GIGYF2: variants seen among roughly 807,000 people sequenced by gnomAD.
GIGYF2 encodes GRB10-interacting GYF protein 2.
GIGYF2 carries 25 observed loss-of-function variants against 208.1 expected under a neutral mutation model. That is an observed-to-expected ratio of 0.12 (90% CI 0.09 to 0.17). The LOEUF (loss-of-function observed/expected upper bound fraction) is 0.17, where lower values mean the gene tolerates loss of function less well. Among genes scored for constraint, GIGYF2 ranks in the 10% least tolerant of loss-of-function variants. GIGYF2 has a pLI of 1.00. For missense variants in GIGYF2, 1,302 were observed against 1,579.4 expected, an observed-to-expected ratio of 0.82 and a Z score of 2.98; for synonymous variants, 534 against 543.8, an observed-to-expected ratio of 0.98 and a Z score of 0.25.
At chr2:232,730,273 A>T in intron 2 of GIGYF2, 1 of 712,804 alleles carries the variant, frequency 1.4e-6, no homozygotes, top group South Asian at 1.8e-5. Flanking sequence ...TGAAAGAGGA[A>T]AAAAATATTC....
chr2:232,730,408 C>G lies in GIGYF2; in HGVS notation c.-43-4747C>G, dbSNP rs985121963. On this transcript the variant is annotated intron_variant, in intron 2 of 28. Transcript: ENST00000373563. The stretch of plus-strand genomic sequence containing the variant: ...TCATTTAAGGTTGGGAGTTCGAGAC[C>G]AGCCTGGCCAACATGGTGAAACCCC... Among the ~76,000 whole-genome samples, 13 of 146,574 alleles carry G rather than the reference C, an allele frequency of 8.9e-5. No homozygotes were observed. The Admixed American group carries it at 9.0e-4, about 10-fold the overall frequency.
intron 2 of GIGYF2, among the ~76,000 whole-genome samples, chr2:232,723,921 A>G (rs901401742): frequency 6.7e-6 from 1 of 150,150 alleles, no homozygotes; most frequent in Non-Finnish European, 1.5e-5. Flanking sequence ...TATTTTCAGT[A>G]GAGACGGGGT....
chr2:232,795,173 C>G (rs951914180), intron 13 of GIGYF2, among the ~76,000 whole-genome samples: 1 of 152,090 alleles, frequency 6.6e-6, no homozygotes, highest in Non-Finnish European at 1.5e-5. Flanking sequence ...CTTAGGTTGC[C>G]CTTAGCTATT....
At chr2:232,706,945 CAAAAAA>C (rs10612508) in intron 2 of GIGYF2, among the ~76,000 whole-genome samples, 4 of 109,468 alleles carry the variant, frequency 3.7e-5, no homozygotes, top group African/African-American at 6.9e-5. Context: ...GACCTTGTCT[CAAAAAA>C]AAAAAAAAAA....
rs1697353492 is a variant in GIGYF2, at chr2:232,729,475, A to G, written c.-43-5680A>G. 3.2e-6 allele frequency: 3 copies of G among 946,618 alleles called. No homozygotes were observed. The Admixed American group carries it at 9.6e-5, about 30-fold the overall frequency. 58.6% of individuals were successfully genotyped at this position (946,618 alleles called of 1,614,324 possible). ...TTATTATTTTTAGGTTTTTTTTTTT[A>G]ATTAACCTCTCAAGCTTTTATTTAA... On this transcript the variant is annotated intron_variant, in intron 2 of 28. Coordinates refer to ENST00000373563, the MANE Select transcript of GIGYF2 (RefSeq NM_001103146.3).
chr2:232,761,189 A>G (rs1263329297), intron 7 of GIGYF2, among the ~76,000 whole-genome samples: 5 of 152,168 alleles, frequency 3.3e-5, no homozygotes, highest in African/African-American at 1.2e-4. Context: ...GTCAATAGAA[A>G]CAGCTTTTGG....
chr2:232,845,936 C>A, intron 26 of GIGYF2, 50 bp downstream of exon 26: 1 of 1,294,138 alleles, frequency 7.7e-7, no homozygotes, highest in Non-Finnish European at 1.1e-6. Flanking sequence ...GAGCAGGACC[C>A]ACAGAGAGGC....
At chr2:232,770,623 T>C (rs530963825) in intron 8 of GIGYF2, among the ~76,000 whole-genome samples, 6 of 152,028 alleles carry the variant, frequency 3.9e-5, no homozygotes, top group African/African-American at 1.2e-4. Context: ...TTTTTTTTGA[T>C]ATGGGATATT....
chr2:232,729,508 G>A (rs1370927248), intron 2 of GIGYF2: 1 of 1,196,872 alleles, frequency 8.4e-7, no homozygotes, highest in African/African-American at 1.6e-5. Flanking sequence ...TAAATGCCAT[G>A]ACCCAGGATG....
At chr2:232,840,766 G>A (rs1357511296) in intron 23 of GIGYF2, among the ~76,000 whole-genome samples, 3 of 152,178 alleles carry the variant, frequency 2.0e-5, no homozygotes, top group African/African-American at 7.2e-5. Flanking sequence ...TGATGGTGTG[G>A]TGGATTGTCC....
At chr2:232,765,969 AG>A in intron 8 of GIGYF2, 1 of 467,232 alleles carries the variant, frequency 2.1e-6, no homozygotes, top group Non-Finnish European at 4.4e-6. Flanking sequence ...CCAAGCTCCC[AG>A]ATGATCCAGG....
rs148867275 is a variant in GIGYF2 at position 232,845,751 on chromosome 2, A to G, written c.3325A>G (p.Asn1109Asp). The change falls in exon 26 of 29, where the codon AAC becomes GAC. Residue 1109 changes from asparagine to aspartate, a missense_variant. Asn to Asp is a conservative substitution (Grantham distance 23). This residue lies in a region of GIGYF2 where 701 missense variants were observed against 793.0 expected (regional missense o/e 0.88). Transcript: ENST00000373563. The stretch of plus-strand genomic sequence containing the variant: ...CTTTAGTAAATCTGTAGGTGTGTCT[A>G]ACCGGCAGAATAAGAAAGTAGAAGA... ...ASLSKSVGVS[N>D]RQNKKVEEEE... is the part of the protein sequence containing the mutation. 4.1e-5 allele frequency: 65 copies of G among 1,601,724 alleles called. No homozygotes were observed. Among genetic ancestry groups the G allele is most frequent in the Non-Finnish European group, 5.2e-5 (61 of 1,168,716 alleles).
intron 2 of GIGYF2, among the ~76,000 whole-genome samples, chr2:232,707,094 A>G (rs928608541): frequency 2.6e-5 from 4 of 151,936 alleles, no homozygotes; most frequent in Non-Finnish European, 5.9e-5. Flanking sequence ...TGCTAATTTT[A>G]TTCTTTTCAC....
chr2:232,839,312 C>T (rs539737074), intron 22 of GIGYF2, among the ~76,000 whole-genome samples: 2 of 152,260 alleles, frequency 1.3e-5, no homozygotes, highest in South Asian at 2.1e-4. Context: ...GCTTAATGCT[C>T]ATGACTAGAA....
intron 8 of GIGYF2, chr2:232,768,886 G>T: frequency 7.7e-7 from 1 of 1,301,986 alleles, no homozygotes; most frequent in Non-Finnish European, 1.1e-6. Context: ...AATGACAAGT[G>T]TATATCAAAT....
intron 21 of GIGYF2, among the ~76,000 whole-genome samples, chr2:232,829,852 A>G (rs376270498): frequency 1.3e-5 from 2 of 152,226 alleles, no homozygotes; most frequent in African/African-American, 4.8e-5. Context: ...TCTTACATGT[A>G]TTTTTTCAAA....
chr2:232,748,184 G>C (rs940783901), intron 4 of GIGYF2, among the ~76,000 whole-genome samples: 1 of 152,168 alleles, frequency 6.6e-6, no homozygotes, highest in African/African-American at 2.4e-5. Context: ...CACTACATTT[G>C]TGTCACTTAG....
chr2:232,735,052 G>A (rs1207758191), intron 2 of GIGYF2, 103 bp from the exon 3 acceptor site: 1 of 655,114 alleles, frequency 1.5e-6, no homozygotes, highest in Non-Finnish European at 2.8e-6. Flanking sequence ...TGTGACTCTA[G>A]TTGAGAGGAG....
At chr2:232,742,495 G>A (rs1312811182) in intron 3 of GIGYF2, among the ~76,000 whole-genome samples, 1 of 152,170 alleles carries the variant, frequency 6.6e-6, no homozygotes, top group African/African-American at 2.4e-5. Context: ...GAGCTGAGCT[G>A]AGCTGAGATA....
Sources: allele counts gnomAD v4.1 joint callset (sites outside exome capture counted in the v4.1 genomes callset), GRCh38; gene constraint gnomAD v4.1.1; regional missense constraint gnomAD v4.1.1; transcripts MANE v1.5; gene names NCBI Gene and HGNC (gene_info 2026-07-23, HGNC 2026-07-21).